Variants in DNER observed in about 807,000 individuals in gnomAD.
The protein encoded by DNER is delta/notch like EGF repeat containing, also known as delta and Notch-like epidermal growth factor-related receptor.
In DNER, 33 loss-of-function variants were observed where a neutral mutation model predicts 78.2. The observed-to-expected ratio is 0.42, with a 90% confidence interval of 0.32 to 0.56. The LOEUF is 0.56. Ranked by LOEUF, DNER falls within the 20% of genes least tolerant of loss-of-function variation. The pLI is 0.11. For missense variants in DNER, 918 were observed against 975.3 expected (o/e 0.94, Z 0.78); for synonymous variants, 417 against 384.8 (o/e 1.08, Z -0.98).
rs188764401 is a variant in DNER at position 229,416,605 on chromosome 2, T to C, written c.1609+1503A>G. 2.2e-3 allele frequency among the ~76,000 whole-genome samples: 339 copies of C among 152,284 alleles called. 3 individuals are homozygous for C. The highest frequency in any genetic ancestry group is 7.6e-3 in the African/African-American group (315 of 41,564). On this transcript the variant is annotated intron_variant, in intron 9 of 12. Transcript: ENST00000341772. ...GAGATCAGTACACCCCTCTGCCTCC[T>C]AGGGTCAGACGCAGCACAATTACAG...
chr2:229,434,898 T>C (rs1170682891), intron 8 of DNER, among the ~76,000 whole-genome samples: 1 of 138,830 alleles, frequency 7.2e-6, no homozygotes, highest in East Asian at 2.1e-4. Context: ...CTTACATATA[T>C]AGAGACAATT....
At chr2:229,628,549 A>AC (rs1179589977) in intron 1 of DNER, among the ~76,000 whole-genome samples, 1 of 152,156 alleles carries the variant, frequency 6.6e-6, no homozygotes, top group Non-Finnish European at 1.5e-5. Context: ...TCTTATAAGA[A>AC]CCCCAAAATA....
intron 8 of DNER, among the ~76,000 whole-genome samples, chr2:229,442,925 A>G (rs1203674887): frequency 6.6e-6 from 1 of 152,192 alleles, no homozygotes; most frequent in Non-Finnish European, 1.5e-5. Context: ...TCACTTGGAA[A>G]AAGTCTACAT....
At chr2:229,516,800 A>AAAAAAAAAAAG (rs1553536934) in intron 5 of DNER, among the ~76,000 whole-genome samples, 5 of 131,238 alleles carry the variant, frequency 3.8e-5, no homozygotes, top group East Asian at 2.0e-4. Flanking sequence ...AAAAAAAAAA[A>AAAAAAAAAAAG]AAAAGAAAAG....
At chr2:229,615,406 C>G (rs942398821) in intron 1 of DNER, among the ~76,000 whole-genome samples, 26 of 119,448 alleles carry the variant, frequency 2.2e-4, no homozygotes, top group Non-Finnish European at 4.1e-4. Context: ...AGCAAAACTC[C>G]GTCTTAAAAA....
At chr2:229,621,073 G>C (rs1429698378) in intron 1 of DNER, among the ~76,000 whole-genome samples, 1 of 152,206 alleles carries the variant, frequency 6.6e-6, no homozygotes, top group Non-Finnish European at 1.5e-5. Flanking sequence ...CATACAAGAA[G>C]TTTCTGCGTG....
intron 6 of DNER, among the ~76,000 whole-genome samples, chr2:229,504,342 C>T (rs1452617258): frequency 6.6e-6 from 1 of 152,172 alleles, no homozygotes; most frequent in African/African-American, 2.4e-5. Context: ...GCCTCAGCCT[C>T]CCAAGTAACT....
intron 5 of DNER, among the ~76,000 whole-genome samples, chr2:229,538,661 G>T (rs1002312668): frequency 2.3e-4 from 35 of 152,174 alleles, no homozygotes; most frequent in African/African-American, 8.2e-4. Flanking sequence ...GAATAAATCA[G>T]ACTAACATAA....
At chr2:229,710,375 C>T (rs1224980731) in intron 1 of DNER, among the ~76,000 whole-genome samples, 1 of 152,214 alleles carries the variant, frequency 6.6e-6, no homozygotes, top group Non-Finnish European at 1.5e-5. Context: ...ATCAAGCCAG[C>T]CTGGCTGGCT....
At chr2:229,489,297 T>C (rs1304862022) in intron 6 of DNER, among the ~76,000 whole-genome samples, 2 of 152,052 alleles carry the variant, frequency 1.3e-5, no homozygotes, top group African/African-American at 4.8e-5. Context: ...AGAGTCATCA[T>C]AAATAAAGGA....
chr2:229,624,565 T>C (rs1698305021), intron 1 of DNER, among the ~76,000 whole-genome samples: 2 of 152,118 alleles, frequency 1.3e-5, no homozygotes, highest in Non-Finnish European at 1.5e-5. Context: ...AGAAATACAC[T>C]AATGTTTTCC....
intron 1 of DNER, among the ~76,000 whole-genome samples, chr2:229,614,680 C>T (rs554141178): frequency 9.2e-5 from 14 of 152,302 alleles, no homozygotes; most frequent in South Asian, 2.1e-4. Flanking sequence ...GCTATGAACC[C>T]GGGCATAAGA....
intron 1 of DNER, among the ~76,000 whole-genome samples, chr2:229,668,517 T>TATA (rs1491497801): frequency 1.9e-5 from 1 of 53,412 alleles, no homozygotes; most frequent in African/African-American, 1.3e-4. Flanking sequence ...TAGGTAAGTA[T>TATA]GTGTGTGTGT....
intron 5 of DNER, among the ~76,000 whole-genome samples, chr2:229,540,120 G>C (rs1245148942): frequency 2.0e-5 from 3 of 152,224 alleles, no homozygotes; most frequent in Non-Finnish European, 4.4e-5. Context: ...CTTCAGAGGA[G>C]GGACCTACTT....
chr2:229,441,731 T>A (rs560037761), intron 8 of DNER, among the ~76,000 whole-genome samples: 1 of 152,334 alleles, frequency 6.6e-6, no homozygotes, highest in East Asian at 1.9e-4. Context: ...TAAAGTGGTC[T>A]TGTTTTGCCT....
At chr2:229,505,464 T>A (rs897860704) in intron 6 of DNER, among the ~76,000 whole-genome samples, 7 of 151,366 alleles carry the variant, frequency 4.6e-5, no homozygotes, top group Non-Finnish European at 1.5e-5. Flanking sequence ...GCCGGGGGGG[T>A]CCCCTGGACC....
In DNER at chr2:229,413,321, CTTTT is replaced by C. The variant is rs398061160; in HGVS notation, c.1609+4783_1609+4786del. ...TGCTTTTCTTTTTCTTTTTCTTCTT[CTTTT>C]TTTTTTTTTTTTTTTTTGACGGAGT... On this transcript the variant is annotated intron_variant, in intron 9 of 12. Transcript: ENST00000341772. Among the ~76,000 whole-genome samples the C allele has an allele frequency of 6.8e-4, 46 of 67,780 alleles. 1 individual carries two copies. Among genetic ancestry groups the C allele is most frequent in the African/African-American group, 2.1e-3 (42 of 20,344 alleles). The allele number at this position is 67,780 out of a possible 152,430, so 44.5% of individuals were successfully genotyped here. A position where few individuals can be genotyped will look rare whatever the true frequency, so the allele number is the denominator to read the frequency against.
At chr2:229,480,777 C>T (rs1695140702) in intron 6 of DNER, among the ~76,000 whole-genome samples, 1 of 152,164 alleles carries the variant, frequency 6.6e-6, no homozygotes, top group Non-Finnish European at 1.5e-5. Context: ...AAACAGTGGT[C>T]CATATTCAAC....
At chr2:229,669,387 T>TATATATATATATAA in intron 1 of DNER, among the ~76,000 whole-genome samples, 1 of 150,942 alleles carries the variant, frequency 6.6e-6, no homozygotes, top group East Asian at 1.9e-4. Context: ...TATATATATA[T>TATATATATATATAA]AAAAGAATGT....
Sources: allele counts gnomAD v4.1 joint callset (sites outside exome capture counted in the v4.1 genomes callset), GRCh38; gene constraint gnomAD v4.1.1; transcripts MANE v1.5; gene names NCBI Gene and HGNC (gene_info 2026-07-23, HGNC 2026-07-21).